FAM110B: variants seen among roughly 807,000 people sequenced by gnomAD.
FAM110B encodes the protein family with sequence similarity 110 member B.
FAM110B carries 6 observed loss-of-function variants against 20.4 expected under a neutral mutation model. The observed-to-expected ratio is 0.29, with a 90% confidence interval of 0.16 to 0.58. The LOEUF (loss-of-function observed/expected upper bound fraction) is 0.58. Ranked by LOEUF, FAM110B falls within the 20% of genes least tolerant of loss-of-function variation. FAM110B has a pLI of 0.90. For missense variants in FAM110B, 434 were observed against 498.2 expected (o/e 0.87, Z 1.23); for synonymous variants, 226 against 214.1 (o/e 1.06, Z -0.49).
chr8:58,029,601 A>C (rs2150572345), intron 1 of FAM110B, among the ~76,000 whole-genome samples: 1 of 152,300 alleles, frequency 6.6e-6, no homozygotes, highest in Non-Finnish European at 1.5e-5. Context: ...TATTTAGGAA[A>C]TTAAAGATCC....
chr8:58,080,241 A>G (rs2150596529), intron 3 of FAM110B, among the ~76,000 whole-genome samples: 1 of 152,332 alleles, frequency 6.6e-6, no homozygotes, highest in East Asian at 1.9e-4. Flanking sequence ...ATGCAACAGG[A>G]AAGTCGGTTG....
At chr8:58,051,073 G>A (rs764253626) in intron 2 of FAM110B, among the ~76,000 whole-genome samples, 17 of 152,180 alleles carry the variant, frequency 1.1e-4, no homozygotes, top group South Asian at 2.1e-4. Context: ...ACAGTCAGTA[G>A]GGCTGAGGGT....
chr8:58,016,400 G>A (rs906181732), intron 1 of FAM110B, among the ~76,000 whole-genome samples: 30 of 152,300 alleles, frequency 2.0e-4, no homozygotes, highest in African/African-American at 7.0e-4. Context: ...ATGTGGCTGG[G>A]GTTGCAGTCA....
At chr8:58,143,862 C>T (rs1028871185) in intron 3 of FAM110B, among the ~76,000 whole-genome samples, 2 of 152,202 alleles carry the variant, frequency 1.3e-5, no homozygotes, top group African/African-American at 4.8e-5. Flanking sequence ...AGGAATGTTA[C>T]ATGAGAACTA....
intron 3 of FAM110B, among the ~76,000 whole-genome samples, chr8:58,080,653 C>G (rs1047367360): frequency 1.3e-5 from 2 of 152,200 alleles, no homozygotes; most frequent in African/African-American, 2.4e-5. Flanking sequence ...ACAGGTTTCC[C>G]TCTTCCATAG....
chr8:58,082,279 C>T (rs1019241616), intron 3 of FAM110B, among the ~76,000 whole-genome samples: 9 of 152,150 alleles, frequency 5.9e-5, no homozygotes, highest in South Asian at 2.1e-4. Context: ...AGTAGAGTGA[C>T]GTCTTAATGG....
chr8:58,064,499 A>G (rs1328380657), intron 2 of FAM110B, among the ~76,000 whole-genome samples: 1 of 152,166 alleles, frequency 6.6e-6, no homozygotes, highest in Non-Finnish European at 1.5e-5. Flanking sequence ...TCTTAACAGT[A>G]TAACAGTTTT....
intron 1 of FAM110B, among the ~76,000 whole-genome samples, chr8:58,008,435 A>AT (rs1474006894): frequency 5.9e-5 from 9 of 151,948 alleles, no homozygotes; most frequent in Non-Finnish European, 1.3e-4. Context: ...GCCTGGCTGC[A>AT]TTTTTTCAAT....
chr8:58,012,330 T>C (rs1230372956), intron 1 of FAM110B, among the ~76,000 whole-genome samples: 1 of 152,096 alleles, frequency 6.6e-6, no homozygotes, highest in Admixed American at 6.5e-5. Flanking sequence ...AAACTAAAGA[T>C]CTTCTTAGTG....
At chr8:58,136,853 A>G (rs1158832618) in intron 3 of FAM110B, among the ~76,000 whole-genome samples, 1 of 152,246 alleles carries the variant, frequency 6.6e-6, no homozygotes, top group African/African-American at 2.4e-5. Context: ...TTTACTTACA[A>G]ATGAAAATGA....
chr8:58,132,397 A>AT (rs11383772), intron 3 of FAM110B, among the ~76,000 whole-genome samples: 18,881 of 146,734 alleles, frequency 0.13, 1,597 homozygotes, highest in African/African-American at 0.23. Flanking sequence ...GCTGGCCAGT[A>AT]TTTTTTTTTT....
chr8:58,148,076 T>A lies in FAM110B; in HGVS notation c.*733T>A, dbSNP rs1332494791. ...TTGATGTTGTTCTGATTGGGATAAT[T>A]CAGAAATTCCTAATATTATCTTTCG... On this transcript the variant is annotated 3_prime_UTR_variant, in exon 4 of 4. Transcript: ENST00000519262. 1 of 166,498 alleles carries A rather than the reference T, an allele frequency of 6.0e-6. No individual in the cohort carries two copies. Among genetic ancestry groups the A allele is most frequent in the African/African-American group, 2.4e-5 (1 of 41,200 alleles). The allele number at this position is 166,498 out of a possible 1,614,324, so 10.3% of individuals were successfully genotyped here. A position where few individuals can be genotyped will look rare whatever the true frequency, so the allele number is the denominator to read the frequency against.
chr8:58,068,331 GT>G, intron 2 of FAM110B, among the ~76,000 whole-genome samples: 1 of 152,260 alleles, frequency 6.6e-6, no homozygotes, highest in Non-Finnish European at 1.5e-5. Context: ...TTTTTTCAGG[GT>G]TTGCGTATGT....
intron 1 of FAM110B, among the ~76,000 whole-genome samples, chr8:58,021,705 A>T (rs961878746): frequency 1.3e-5 from 2 of 152,136 alleles, no homozygotes; most frequent in African/African-American, 4.8e-5. Flanking sequence ...TATTTTATCC[A>T]ATACCAACTT....
intron 1 of FAM110B, among the ~76,000 whole-genome samples, chr8:58,023,742 C>A (rs1804801115): frequency 6.6e-6 from 1 of 152,150 alleles, no homozygotes; most frequent in African/African-American, 2.4e-5. Context: ...GGATTTCCAG[C>A]TATTGACTCA....
At chr8:58,048,285 G>C (rs1369407838) in intron 2 of FAM110B, among the ~76,000 whole-genome samples, 1 of 152,078 alleles carries the variant, frequency 6.6e-6, no homozygotes, top group Non-Finnish European at 1.5e-5. Flanking sequence ...CTATTTTGGT[G>C]GTCCTGATTT....
At chr8:58,093,630 A>G (rs1806542534) in intron 3 of FAM110B, among the ~76,000 whole-genome samples, 1 of 152,188 alleles carries the variant, frequency 6.6e-6, no homozygotes, top group Non-Finnish European at 1.5e-5. Context: ...TGCCAGTACC[A>G]TGCTGTTTTG....
At chr8:58,071,398 G>A (rs192644751) in intron 2 of FAM110B, among the ~76,000 whole-genome samples, 1 of 152,168 alleles carries the variant, frequency 6.6e-6, no homozygotes, top group Non-Finnish European at 1.5e-5. Context: ...CCAGTCACAC[G>A]GCTGGCTGCC....
At chr8:57,995,026 G>A (rs1167091835) in intron 1 of FAM110B, among the ~76,000 whole-genome samples, 1 of 152,076 alleles carries the variant, frequency 6.6e-6, no homozygotes, top group Non-Finnish European at 1.5e-5. Flanking sequence ...CGGCTTTCTG[G>A]GCTGCCGGGG....
Sources: gnomAD v4.1 joint callset for allele counts (sites outside exome capture counted in the v4.1 genomes callset) on GRCh38, gnomAD v4.1.1 for gene constraint, MANE v1.5 for transcripts, NCBI Gene and HGNC (gene_info 2026-07-23, HGNC 2026-07-21) for gene names.